CNTN4: variants seen among roughly 807,000 people sequenced by gnomAD.
CNTN4 encodes the protein contactin 4, also known as contactin-4.
In CNTN4, 77 loss-of-function variants were observed where a neutral mutation model predicts 122.5. The ratio of observed to expected loss-of-function variants is 0.63; its 90% CI spans 0.52 to 0.76. The LOEUF (loss-of-function observed/expected upper bound fraction) is 0.76, where lower values mean the gene tolerates loss of function less well. CNTN4 is among the 30% of genes least tolerant of loss of function. The probability of loss-of-function intolerance (pLI) is 0.00; values close to 1 mark genes in which losing one functional copy is unlikely to be tolerated. For missense variants in CNTN4, 1,256 were observed against 1,259.1 expected, an observed-to-expected ratio of 1.00 and a Z score of 0.04; for synonymous variants, 512 against 447.0, an observed-to-expected ratio of 1.15 and a Z score of -1.83.
chr3:2,623,354 A>G (rs1377113483), intron 4 of CNTN4, among the ~76,000 whole-genome samples: 2 of 151,496 alleles, frequency 1.3e-5, no homozygotes, highest in Non-Finnish European at 2.9e-5. Context: ...CACAGCAATC[A>G]TTTCTGAGTT....
chr3:2,598,938 T>C (rs141644260), intron 4 of CNTN4, among the ~76,000 whole-genome samples: 9 of 152,322 alleles, frequency 5.9e-5, no homozygotes, highest in South Asian at 2.1e-4. Flanking sequence ...AGATTGTTAT[T>C]TTTTACTTTT....
chr3:2,919,687 TG>T (rs1226474175), intron 12 of CNTN4, among the ~76,000 whole-genome samples: 3 of 152,168 alleles, frequency 2.0e-5, no homozygotes, highest in African/African-American at 7.2e-5. Flanking sequence ...GACACTGACA[TG>T]TAAATGAAAT....
intron 6 of CNTN4, among the ~76,000 whole-genome samples, chr3:2,782,080 TGCAGATGAA>T (rs1278438867): frequency 6.6e-6 from 1 of 152,016 alleles, no homozygotes; most frequent in African/African-American, 2.4e-5. Flanking sequence ...AGTTTTATTA[TGCAGATGAA>T]GCTTTTAGCT....
chr3:2,899,074 C>T (rs888805561), intron 10 of CNTN4, among the ~76,000 whole-genome samples: 1 of 152,154 alleles, frequency 6.6e-6, no homozygotes, highest in Non-Finnish European at 1.5e-5. Context: ...TGCATCATCC[C>T]ATCAGTAGAG....
intron 3 of CNTN4, among the ~76,000 whole-genome samples, chr3:2,403,543 T>G (rs573555355): frequency 6.7e-4 from 102 of 152,302 alleles, no homozygotes; most frequent in Non-Finnish European, 1.4e-3. Flanking sequence ...TACAAGAATA[T>G]GCATACCATA....
chr3:2,766,236 A>G (rs778525534), intron 6 of CNTN4, among the ~76,000 whole-genome samples: 1 of 152,228 alleles, frequency 6.6e-6, no homozygotes, highest in African/African-American at 2.4e-5. Flanking sequence ...GATCGCATCT[A>G]TAATTTTATC....
rs542108184 is a variant in CNTN4 at position 3,000,527 on chromosome 3, G to A, written c.1486+12055G>A. ...AGGATATTACTTACGTTTGATAAAA[G>A]GAAAATTTTCAAACAATTAGGCCAT... is the stretch of plus-strand genomic sequence containing the variant. On this transcript the variant is annotated intron_variant, in intron 14 of 24. Coordinates refer to ENST00000418658, the MANE Select transcript of CNTN4 (RefSeq NM_175607.3). Among the ~76,000 whole-genome samples, 46 of 152,310 alleles carry A rather than the reference G, an allele frequency of 3.0e-4. 1 individual carries two copies. Among genetic ancestry groups the A allele is most frequent in the Middle Eastern group, 3.4e-3 (1 of 294 alleles).
chr3:2,192,365 A>G (rs1465742930), intron 2 of CNTN4, among the ~76,000 whole-genome samples: 3 of 151,926 alleles, frequency 2.0e-5, no homozygotes, highest in Non-Finnish European at 2.9e-5. Context: ...AAGTGTTCCT[A>G]TTTCTCCACA....
At chr3:2,670,303 T>C (rs984459379) in intron 4 of CNTN4, among the ~76,000 whole-genome samples, 5 of 152,178 alleles carry the variant, frequency 3.3e-5, no homozygotes, top group African/African-American at 1.2e-4. Flanking sequence ...ATATTTAGGA[T>C]AGTTAGCTCT....
At chr3:2,380,466 G>A (rs1344655497) in intron 3 of CNTN4, among the ~76,000 whole-genome samples, 2 of 152,180 alleles carry the variant, frequency 1.3e-5, no homozygotes, top group Non-Finnish European at 2.9e-5. Flanking sequence ...ATGCAGAACA[G>A]GTGAGATTTG....
chr3:3,001,737 A>G (rs1310156135), intron 14 of CNTN4, among the ~76,000 whole-genome samples: 6 of 152,284 alleles, frequency 3.9e-5, no homozygotes, highest in African/African-American at 9.6e-5. Context: ...ATTATTTCCA[A>G]TTTTTAAATT....
At chr3:2,298,822 G>A (rs2042402307) in intron 2 of CNTN4, among the ~76,000 whole-genome samples, 1 of 152,154 alleles carries the variant, frequency 6.6e-6, no homozygotes, top group Non-Finnish European at 1.5e-5. Flanking sequence ...CCTATTACCT[G>A]TATGGCCATG....
intron 4 of CNTN4, among the ~76,000 whole-genome samples, chr3:2,729,235 A>T (rs2088463921): frequency 6.6e-6 from 1 of 152,180 alleles, no homozygotes; most frequent in Admixed American, 6.5e-5. Flanking sequence ...AGAACTCTGC[A>T]GGGTAGTTTT....
At chr3:2,793,370 A>G (rs1168551959) in intron 6 of CNTN4, among the ~76,000 whole-genome samples, 1 of 152,086 alleles carries the variant, frequency 6.6e-6, no homozygotes, top group East Asian at 1.9e-4. Context: ...CCTTGCTATT[A>G]CTACTGGTAA....
intron 13 of CNTN4, among the ~76,000 whole-genome samples, chr3:2,947,543 C>T (rs2094692183): frequency 6.6e-6 from 1 of 152,190 alleles, no homozygotes; most frequent in Non-Finnish European, 1.5e-5. Context: ...TTTTATTTTA[C>T]CATGAATGGT....
At chr3:2,578,165 A>G (rs2079779900) in intron 4 of CNTN4, among the ~76,000 whole-genome samples, 1 of 152,194 alleles carries the variant, frequency 6.6e-6, no homozygotes, top group African/African-American at 2.4e-5. Flanking sequence ...CAAACCTGCA[A>G]TGAGAACACA....
chr3:2,801,462 C>T (rs748962727), intron 6 of CNTN4, among the ~76,000 whole-genome samples: 3 of 152,176 alleles, frequency 2.0e-5, no homozygotes, highest in African/African-American at 4.8e-5. Context: ...GTTGTTGAAT[C>T]TTTGTAGCCT....
rs1157186951 is a variant in CNTN4, at chr3:3,057,616, T to C, written c.*1396T>C. ...CAGAGAACTCAAATTTGCTATAGTT[T>C]GTCATTTTTGCTTACAAATAATATA... On this transcript the variant is annotated 3_prime_UTR_variant, in exon 25 of 25. Coordinates refer to ENST00000418658, the MANE Select transcript of CNTN4 (RefSeq NM_175607.3). 6.6e-6 allele frequency: 1 copy of C among 152,650 alleles called. No individual in the cohort carries two copies. Among genetic ancestry groups the C allele is most frequent in the Non-Finnish European group, 1.5e-5 (1 of 68,032 alleles). The allele number at this position is 152,650 out of a possible 1,614,324, so 9.5% of individuals were successfully genotyped here. A position where few individuals can be genotyped will look rare whatever the true frequency, so the allele number is the denominator to read the frequency against.
chr3:2,932,962 A>G (rs2094536207), intron 13 of CNTN4, among the ~76,000 whole-genome samples: 1 of 151,950 alleles, frequency 6.6e-6, no homozygotes, highest in South Asian at 2.1e-4. Flanking sequence ...AGCTGGGACT[A>G]CAGGCACCCA....
Sources: gnomAD v4.1 joint callset for allele counts (sites outside exome capture counted in the v4.1 genomes callset) on GRCh38, gnomAD v4.1.1 for gene constraint, MANE v1.5 for transcripts, NCBI Gene and HGNC (gene_info 2026-07-23, HGNC 2026-07-21) for gene names.